GLIS1: variants seen among roughly 807,000 people sequenced by gnomAD.
The protein encoded by GLIS1 is GLIS family zinc finger 1, also known as zinc finger protein GLIS1.
Under a neutral mutation model 63.8 loss-of-function variants are expected in GLIS1, and 24 were observed. The ratio of observed to expected loss-of-function variants is 0.38; its 90% confidence interval spans 0.27 to 0.53. The LOEUF (loss-of-function observed/expected upper bound fraction) is 0.53, where lower values mean the gene tolerates loss of function less well. GLIS1 is among the 20% of genes least tolerant of loss of function. The probability of loss-of-function intolerance (pLI) is 0.85; values close to 1 mark genes in which losing one functional copy is unlikely to be tolerated. For missense variants in GLIS1, 1,036 were observed against 1,074.1 expected (o/e 0.96, Z 0.50); for synonymous variants, 450 against 482.5 (o/e 0.93, Z 0.88).
intron 2 of GLIS1, among the ~76,000 whole-genome samples, chr1:53,644,490 G>A (rs575541621): frequency 1.3e-5 from 2 of 152,316 alleles, no homozygotes; most frequent in East Asian, 3.9e-4. Context: ...AGAAGAGGAG[G>A]TGACTCATAA....
chr1:53,548,740 C>A (rs17108762), intron 4 of GLIS1, among the ~76,000 whole-genome samples: 2,350 of 152,304 alleles, frequency 0.015, 55 homozygotes, highest in African/African-American at 0.054. Flanking sequence ...CATCCATGAA[C>A]CTTCAATAAA....
At chr1:53,687,873 C>A (rs1295376462) in intron 2 of GLIS1, among the ~76,000 whole-genome samples, 1 of 152,200 alleles carries the variant, frequency 6.6e-6, no homozygotes, top group East Asian at 1.9e-4. Context: ...TTGACCTCCC[C>A]GCATCTCTCA....
At position 53,617,751 on chromosome 1, in the gene GLIS1, G is replaced by A. The variant is rs982300209; in HGVS notation, c.260-17473C>T. On this transcript the variant is annotated intron_variant, in intron 2 of 10. Coordinates refer to ENST00000628545, the MANE Select transcript of GLIS1 (RefSeq NM_001367484.1). ...GATGGTGCAGGCCGGCTATGTTATC[G>A]GTGCATTTCATTTCAGGAGAGCAAA... Among the ~76,000 whole-genome samples the A allele has an allele frequency of 3.9e-5, 6 of 152,160 alleles. No individual in the cohort carries two copies. In the East Asian group the frequency reaches 9.6e-4, roughly 24 times the overall value.
At chr1:53,561,212 G>A (rs1036922865) in intron 4 of GLIS1, among the ~76,000 whole-genome samples, 1 of 152,206 alleles carries the variant, frequency 6.6e-6, no homozygotes, top group African/African-American at 2.4e-5. Context: ...AAGGTTACAC[G>A]GTAAGTGGGA....
At chr1:53,689,261 C>T (rs1326175443) in intron 2 of GLIS1, among the ~76,000 whole-genome samples, 5 of 152,170 alleles carry the variant, frequency 3.3e-5, no homozygotes, top group Non-Finnish European at 7.4e-5. Flanking sequence ...AGTGGACATA[C>T]AGAGAAGCCA....
At chr1:53,696,645 T>C (rs1436526153) in intron 2 of GLIS1, among the ~76,000 whole-genome samples, 1 of 139,712 alleles carries the variant, frequency 7.2e-6, no homozygotes, top group Admixed American at 7.0e-5. Context: ...CCCTCCAACT[T>C]TATTTCTCTC....
chr1:53,631,408 C>T (rs1645650700), intron 2 of GLIS1, among the ~76,000 whole-genome samples: 1 of 152,228 alleles, frequency 6.6e-6, no homozygotes. Context: ...TTTCCACCAT[C>T]TCTGAGCAAC....
intron 4 of GLIS1, among the ~76,000 whole-genome samples, chr1:53,592,967 A>G (rs1268991521): frequency 6.6e-6 from 1 of 152,248 alleles, no homozygotes; most frequent in Non-Finnish European, 1.5e-5. Flanking sequence ...CTGATTGCCA[A>G]TGTGTCCTGC....
intron 2 of GLIS1, among the ~76,000 whole-genome samples, chr1:53,659,776 T>C (rs1339054074): frequency 6.6e-6 from 1 of 152,224 alleles, no homozygotes; most frequent in Non-Finnish European, 1.5e-5. Flanking sequence ...AGTTTCCTCA[T>C]CTGCAAAATA....
intron 2 of GLIS1, among the ~76,000 whole-genome samples, chr1:53,723,739 T>C (rs933252876): frequency 1.3e-5 from 2 of 152,232 alleles, no homozygotes; most frequent in South Asian, 2.1e-4. Flanking sequence ...AGTAAGTATA[T>C]AGTACTCACG....
At chr1:53,533,786 C>T (rs931584976) in intron 4 of GLIS1, among the ~76,000 whole-genome samples, 1 of 151,162 alleles carries the variant, frequency 6.6e-6, no homozygotes, top group Non-Finnish European at 1.5e-5. Flanking sequence ...TCCTAGTCAA[C>T]AACTGCACAG....
intron 2 of GLIS1, among the ~76,000 whole-genome samples, chr1:53,632,847 A>G (rs781288236): frequency 2.3e-5 from 3 of 132,974 alleles, no homozygotes; most frequent in South Asian, 2.7e-4. Flanking sequence ...AGGGGCGTGT[A>G]TGTATGTGAC....
intron 2 of GLIS1, among the ~76,000 whole-genome samples, chr1:53,736,971 T>C (rs1646918453): frequency 1.0e-5 from 1 of 97,686 alleles, no homozygotes; most frequent in Admixed American, 1.2e-4. Flanking sequence ...AGCCTTGGTT[T>C]CCCCTAAGGG....
rs770862967 is a variant in GLIS1, at chr1:53,520,759, G to C, written c.1601C>G (p.Ala534Gly). The C allele has an allele frequency of 4.4e-6, 7 of 1,604,034 alleles. No homozygotes were observed. The highest frequency in any genetic ancestry group is 6.0e-6 in the Non-Finnish European group (7 of 1,175,344). The change falls in exon 7 of 11, where the codon GCG becomes GGG. Residue 534 changes from alanine to glycine, a missense_variant. Transcript: ENST00000628545. ...GACGTCGGCCTCGGTGTCAGGGCCC[G>C]CATGCAGCTGGGGAGCAAGCAGAGG... ...KEQQVRKKLH[A>G]GPDTEADVLT... is the part of the protein sequence containing the mutation.
At chr1:53,627,434 C>T (rs769847879) in intron 2 of GLIS1, among the ~76,000 whole-genome samples, 17 of 152,134 alleles carry the variant, frequency 1.1e-4, no homozygotes, top group African/African-American at 3.6e-4. Context: ...TTGAACCTCC[C>T]GCTTGCTGCT....
At chr1:53,571,093 T>C (rs1173521120) in intron 4 of GLIS1, among the ~76,000 whole-genome samples, 1 of 151,712 alleles carries the variant, frequency 6.6e-6, no homozygotes, top group African/African-American at 2.4e-5. Context: ...AATAGAAAAA[T>C]GGGCAGAGGA....
chr1:53,693,815 C>T (rs1248780433), intron 2 of GLIS1, among the ~76,000 whole-genome samples: 1 of 152,234 alleles, frequency 6.6e-6, no homozygotes, highest in Admixed American at 6.5e-5. Context: ...GAAAGCGTGC[C>T]TTTTCATCGA....
chr1:53,647,013 G>A (rs1370790286), intron 2 of GLIS1, among the ~76,000 whole-genome samples: 6 of 151,078 alleles, frequency 4.0e-5, no homozygotes, highest in African/African-American at 1.5e-4. Flanking sequence ...AGGGATGAAG[G>A]AAAAGAAAAT....
intron 2 of GLIS1, among the ~76,000 whole-genome samples, chr1:53,665,806 G>A (rs994173901): frequency 6.6e-5 from 10 of 152,164 alleles, no homozygotes; most frequent in African/African-American, 2.2e-4. Context: ...GGGAGTGAGT[G>A]TCTGTATCAG....
Sources: allele counts gnomAD v4.1 joint callset (sites outside exome capture counted in the v4.1 genomes callset), GRCh38; gene constraint gnomAD v4.1.1; transcripts MANE v1.5; gene names NCBI Gene and HGNC (gene_info 2026-07-23, HGNC 2026-07-21).